The following A1CF variants were observed in gnomAD, a reference collection of about 807,000 sequenced individuals.
A1CF encodes the protein APOBEC1 complementation factor, also known as APOBEC-1 stimulating protein.
In A1CF, 48 loss-of-function variants were observed where a neutral mutation model predicts 68.9. The observed-to-expected ratio is 0.70, with a 90% confidence interval of 0.55 to 0.89. The LOEUF is 0.89. A1CF is among the 40% of genes least tolerant of loss of function. The pLI, the probability that A1CF is intolerant of heterozygous loss-of-function variation, is 0.00. For missense variants in A1CF, 653 were observed against 718.9 expected, an observed-to-expected ratio of 0.91 and a Z score of 1.05; for synonymous variants, 272 against 260.4, an observed-to-expected ratio of 1.04 and a Z score of -0.43.
chr10:50,859,352 G>T (rs1840632855), intron 3 of A1CF, among the ~76,000 whole-genome samples: 1 of 152,170 alleles, frequency 6.6e-6, no homozygotes, highest in East Asian at 1.9e-4. Context: ...TAAGCATGGA[G>T]ACAAGTTAGT....
At position 50,834,764 on chromosome 10, in the gene A1CF, C is replaced by T. The variant is rs368708146; in HGVS notation, c.604+1310G>A. On this transcript the variant is annotated intron_variant, in intron 6 of 12. Coordinates refer to ENST00000373997, the MANE Select transcript of A1CF (RefSeq NM_014576.4). ...GTGGTAATGTTCAGGATGGAGAAGT[C>T]GGAGGGTGGGGCACATGGAAGAGAA... Among the ~76,000 whole-genome samples the T allele has an allele frequency of 3.9e-4, 60 of 151,980 alleles. 2 individuals carry two copies. The South Asian group carries it at 0.01, about 25-fold the overall frequency.
At chr10:50,811,225 T>A (rs374154840) in intron 10 of A1CF, 49 bp from the exon 11 acceptor site, 23 of 1,555,852 alleles carry the variant, frequency 1.5e-5, no homozygotes, top group Non-Finnish European at 1.8e-5. Context: ...ACATTCACAT[T>A]ATTTCCCAAG....
Position 50,811,032 on chromosome 10 carries a change from T to A in A1CF, c.1460+8A>T, listed in dbSNP as rs1156691986. 1 of 1,609,992 alleles carries A rather than the reference T, an allele frequency of 6.2e-7. No individual in the cohort carries two copies. Among genetic ancestry groups the A allele is most frequent in the Admixed American group, 1.7e-5 (1 of 59,552 alleles). ...TAAAATGGTAAGGAATTTGGAGAAG[T>A]TACGCACATTGCAGGATTCTGGCTG... On this transcript the variant is annotated splice_region_variant and intron_variant, in intron 11 of 12. Coordinates refer to ENST00000373997, the MANE Select transcript of A1CF (RefSeq NM_014576.4).
chr10:50,855,110 A>G (rs1282212449), intron 3 of A1CF, among the ~76,000 whole-genome samples: 3 of 151,980 alleles, frequency 2.0e-5, no homozygotes, highest in Non-Finnish European at 4.4e-5. Flanking sequence ...ATATGCTCAC[A>G]TATGAGAATA....
At chr10:50,850,524 G>C (rs1362851261) in intron 3 of A1CF, 10 of 1,126,270 alleles carry the variant, frequency 8.9e-6, no homozygotes, top group African/African-American at 3.1e-5. Flanking sequence ...CATTTTGTCA[G>C]TGTTTTTCAA....
intron 7 of A1CF, among the ~76,000 whole-genome samples, chr10:50,827,847 G>A (rs1376493566): frequency 6.6e-6 from 1 of 152,054 alleles, no homozygotes; most frequent in Non-Finnish European, 1.5e-5. Flanking sequence ...GTGAATCCAG[G>A]AGCTGTTTTT....
intron 12 of A1CF, among the ~76,000 whole-genome samples, chr10:50,808,848 T>C (rs1837957463): frequency 6.6e-6 from 1 of 152,082 alleles, no homozygotes; most frequent in South Asian, 2.1e-4. Flanking sequence ...GTGAGGAATA[T>C]AAAATTTTTC....
chr10:50,825,742 C>G (rs940717344), intron 7 of A1CF, among the ~76,000 whole-genome samples: 11 of 152,136 alleles, frequency 7.2e-5, no homozygotes, highest in Non-Finnish European at 1.2e-4. Context: ...TGAGTAGCAA[C>G]TAACTATCCC....
intron 8 of A1CF, among the ~76,000 whole-genome samples, 183 bp downstream of exon 8, chr10:50,820,369 T>C (rs968585113): frequency 2.6e-5 from 4 of 152,192 alleles, no homozygotes; most frequent in Non-Finnish European, 5.9e-5. Context: ...TTGGATATAT[T>C]AGGTACATCT....
intron 3 of A1CF, chr10:50,850,536 A>G (rs1840191008): frequency 7.9e-7 from 1 of 1,272,906 alleles, no homozygotes; most frequent in Non-Finnish European, 1.1e-6. Context: ...GTTTTTCAAA[A>G]TTACAAAACA....
intron 12 of A1CF, among the ~76,000 whole-genome samples, chr10:50,808,546 T>C (rs552611294): frequency 5.9e-5 from 9 of 152,282 alleles, no homozygotes; most frequent in African/African-American, 2.2e-4. Flanking sequence ...AATGGACATG[T>C]AAACACCCTG....
chr10:50,854,027 A>G (rs1840368113), intron 3 of A1CF, among the ~76,000 whole-genome samples: 1 of 152,036 alleles, frequency 6.6e-6, no homozygotes, highest in Non-Finnish European at 1.5e-5. Context: ...TAGTGAACCT[A>G]GGGACCTATC....
At chr10:50,840,027 T>A (rs1589004748) in intron 5 of A1CF, among the ~76,000 whole-genome samples, 1 of 152,118 alleles carries the variant, frequency 6.6e-6, no homozygotes, top group Non-Finnish European at 1.5e-5. Flanking sequence ...CAGGCGTGAG[T>A]CACTGTGTCC....
At chr10:50,812,976 C>T (rs528573152) in intron 10 of A1CF, among the ~76,000 whole-genome samples, 81 of 152,182 alleles carry the variant, frequency 5.3e-4, no homozygotes, top group African/African-American at 1.9e-3. Context: ...CCAAGATGAG[C>T]TTTTAGAAAA....
intron 1 of A1CF, among the ~76,000 whole-genome samples, chr10:50,864,848 C>A (rs1840911184): frequency 6.6e-6 from 1 of 152,050 alleles, no homozygotes; most frequent in Non-Finnish European, 1.5e-5. Flanking sequence ...GACCTCCTGG[C>A]CTCAGGTGAT....
At chr10:50,883,173 C>T (rs1306228941) in intron 1 of A1CF, among the ~76,000 whole-genome samples, 3 of 152,146 alleles carry the variant, frequency 2.0e-5, no homozygotes, top group Admixed American at 6.6e-5. Context: ...AATAGGTATA[C>T]TTGGGCAATT....
intron 1 of A1CF, among the ~76,000 whole-genome samples, chr10:50,878,968 T>A (rs1443343196): frequency 6.6e-6 from 1 of 152,212 alleles, no homozygotes; most frequent in Non-Finnish European, 1.5e-5. Context: ...TGACACTTCC[T>A]CCCTGGACCA....
chr10:50,841,021 C>T (rs1282926966), intron 5 of A1CF, among the ~76,000 whole-genome samples: 1 of 152,200 alleles, frequency 6.6e-6, no homozygotes, highest in Non-Finnish European at 1.5e-5. Context: ...ACCACCATCT[C>T]TTGTCCAAAT....
intron 10 of A1CF, 24 bp from the exon 11 acceptor site, chr10:50,811,200 TC>T: frequency 1.3e-6 from 2 of 1,588,562 alleles, no homozygotes; most frequent in Admixed American, 1.7e-5. Flanking sequence ...AAAAGTTATT[TC>T]CCCCTCAAAT....
Sources: allele counts gnomAD v4.1 joint callset (sites outside exome capture counted in the v4.1 genomes callset), GRCh38; gene constraint gnomAD v4.1.1; transcripts MANE v1.5; gene names NCBI Gene and HGNC (gene_info 2026-07-23, HGNC 2026-07-21).